Variants in EPB41 observed in about 807,000 individuals in gnomAD.
EPB41 encodes erythrocyte membrane protein band 4.1, also known as protein 4.1.
EPB41 carries 65 observed loss-of-function variants against 108.0 expected under a neutral mutation model. That is an observed-to-expected ratio of 0.60 (90% CI 0.49 to 0.74). EPB41 has a LOEUF of 0.74. EPB41 is among the 30% of genes least tolerant of loss of function. The pLI is 0.00. For synonymous variants in EPB41, 336 were observed against 358.9 expected (o/e 0.94, Z 0.72); for missense variants, 875 against 1,037.0 (o/e 0.84, Z 2.15).
intron 1 of EPB41, among the ~76,000 whole-genome samples, chr1:28,942,740 G>GTGA (rs1362505407): frequency 1.3e-5 from 2 of 152,166 alleles, no homozygotes; most frequent in African/African-American, 2.4e-5. Context: ...AGATTGTGTG[G>GTGA]TGGTGGTGGC....
intron 1 of EPB41, among the ~76,000 whole-genome samples, chr1:28,976,646 G>C (rs751261660): frequency 6.6e-6 from 1 of 151,978 alleles, no homozygotes; most frequent in Non-Finnish European, 1.5e-5. Flanking sequence ...AAGCCACCGT[G>C]CCTGGCCATG....
chr1:29,041,851 A>G (rs1449719044), intron 11 of EPB41, among the ~76,000 whole-genome samples: 1 of 152,204 alleles, frequency 6.6e-6, no homozygotes, highest in Non-Finnish European at 1.5e-5. Context: ...TATCATTTGT[A>G]AAATGGAGAT....
chr1:29,110,204 G>A (rs1476298234), intron 18 of EPB41, among the ~76,000 whole-genome samples: 1 of 151,988 alleles, frequency 6.6e-6, no homozygotes, highest in African/African-American at 2.4e-5. Context: ...AATGTGCTGG[G>A]CATAATGGCG....
chr1:28,915,731 CTTTT>C (rs11321625), intron 1 of EPB41, among the ~76,000 whole-genome samples: 2 of 56,070 alleles, frequency 3.6e-5, no homozygotes, highest in African/African-American at 7.8e-5. Flanking sequence ...TTTTCAGATG[CTTTT>C]TTTTTTTTTT....
intron 12 of EPB41, chr1:29,054,026 ACATT>A (rs1644950501): frequency 6.6e-6 from 1 of 152,274 alleles, no homozygotes. Flanking sequence ...GGATGTATGC[ACATT>A]TCCAAAGAAC....
At chr1:29,103,586 G>T (rs967156525) in intron 17 of EPB41, among the ~76,000 whole-genome samples, 7 of 152,166 alleles carry the variant, frequency 4.6e-5, no homozygotes, top group African/African-American at 1.7e-4. Context: ...ATATTGCGTT[G>T]TTAAACATTT....
chr1:29,073,527 AAAGT>A (rs1253948796), intron 16 of EPB41, among the ~76,000 whole-genome samples: 2 of 152,214 alleles, frequency 1.3e-5, no homozygotes, highest in African/African-American at 4.8e-5. Flanking sequence ...TTTTATTTTG[AAAGT>A]AAGTCGTTAA....
At chr1:28,964,296 T>G (rs2095304374) in intron 1 of EPB41, among the ~76,000 whole-genome samples, 1 of 152,114 alleles carries the variant, frequency 6.6e-6, no homozygotes, top group South Asian at 2.1e-4. Flanking sequence ...ATACAAAAAT[T>G]AGCTGGATGT....
At position 29,075,592 on chromosome 1, in the gene EPB41, G is replaced by T. The variant is rs1260769771; in HGVS notation, c.2184+10434G>T. Among the ~76,000 whole-genome samples, 8 of 152,288 alleles carry T rather than the reference G, an allele frequency of 5.3e-5. No homozygotes were observed. In the East Asian group the frequency reaches 1.5e-3, roughly 29 times the overall value. On this transcript the variant is annotated intron_variant, in intron 16 of 20. Coordinates refer to ENST00000343067, the MANE Select transcript of EPB41 (RefSeq NM_001376013.1). Reference sequence around the variant, plus strand: ...TTGAAAGATTGAAAGGTAGGGGAAGGCATAGAGTCTCAACTATCTTTTCTT... The same window carrying T: ...TTGAAAGATTGAAAGGTAGGGGAAGTCATAGAGTCTCAACTATCTTTTCTT...
intron 1 of EPB41, among the ~76,000 whole-genome samples, chr1:28,907,842 T>A (rs2091954012): frequency 1.9e-5 from 1 of 53,680 alleles, no homozygotes; most frequent in South Asian, 8.8e-4. Flanking sequence ...AAATTTTAAT[T>A]TTTTTTTTGT....
intron 1 of EPB41, among the ~76,000 whole-genome samples, chr1:28,980,904 C>T (rs372918397): frequency 3.3e-5 from 5 of 150,284 alleles, no homozygotes; most frequent in East Asian, 2.0e-4. Context: ...TCCCGAGTAG[C>T]GGGGATTACA....
chr1:29,058,868 C>T lies in EPB41; in HGVS notation c.1944+16C>T. On this transcript the variant is annotated intron_variant, in intron 14 of 20. Transcript: ENST00000343067. ...AATGAGGAAGGTTAGCCATTTTTCACTTTCACAAAACTACATTGCCATTTC... is the reference window on the plus strand; with the variant it reads ...AATGAGGAAGGTTAGCCATTTTTCATTTTCACAAAACTACATTGCCATTTC... 1 of 1,549,246 alleles carries T rather than the reference C, an allele frequency of 6.5e-7. No individual in the cohort carries two copies. Among genetic ancestry groups the T allele is most frequent in the Non-Finnish European group, 8.7e-7 (1 of 1,144,982 alleles).
intron 15 of EPB41, among the ~76,000 whole-genome samples, chr1:29,061,644 A>G (rs1433072841): frequency 1.4e-5 from 2 of 138,980 alleles, no homozygotes; most frequent in African/African-American, 2.7e-5. Context: ...CAGTGGCTCA[A>G]TCACTGCTTA....
chr1:29,051,222 C>A (rs1644463402), intron 11 of EPB41, among the ~76,000 whole-genome samples: 1 of 149,790 alleles, frequency 6.7e-6, no homozygotes. Context: ...CCTCAGCCTC[C>A]CGAGTAGCTA....
chr1:29,033,044 TA>T (rs753259554), intron 8 of EPB41, 48 bp from the exon 9 acceptor site: 60 of 1,563,134 alleles, frequency 3.8e-5, no homozygotes, highest in Non-Finnish European at 4.7e-5. Flanking sequence ...GTCAACAGTG[TA>T]TTGAGTACTT....
At chr1:29,032,109 A>AG (rs1026881496) in intron 8 of EPB41, among the ~76,000 whole-genome samples, 5 of 151,716 alleles carry the variant, frequency 3.3e-5, no homozygotes, top group African/African-American at 9.7e-5. Flanking sequence ...AAAAAAAAAA[A>AG]AAAAAAGAAA....
intron 16 of EPB41, among the ~76,000 whole-genome samples, chr1:29,084,822 C>T (rs1481858560): frequency 1.3e-5 from 2 of 152,178 alleles, no homozygotes; most frequent in East Asian, 3.9e-4. Context: ...TTTTAATTCT[C>T]CTGTCACAAT....
At position 29,039,488 on chromosome 1, in the gene EPB41, G is replaced by A. The variant is rs1640687086; in HGVS notation, c.1636+62G>A. 2.5e-6 allele frequency: 4 copies of A among 1,593,234 alleles called. No individual in the cohort carries two copies. In the Admixed American group the frequency reaches 5.0e-5, roughly 20 times the overall value. Reference sequence around the variant, plus strand: ...ATTCATTTGGAAAGATAAAGGAAGTGCAATTATCTATAAGAGAACCGAATT... The same window carrying A: ...ATTCATTTGGAAAGATAAAGGAAGTACAATTATCTATAAGAGAACCGAATT... On this transcript the variant is annotated intron_variant, in intron 11 of 20. Coordinates refer to ENST00000343067, the MANE Select transcript of EPB41 (RefSeq NM_001376013.1).
At chr1:29,000,562 A>T (rs1010902892) in intron 4 of EPB41, among the ~76,000 whole-genome samples, 8 of 152,218 alleles carry the variant, frequency 5.3e-5, no homozygotes, top group Non-Finnish European at 8.8e-5. Context: ...GTATTTTTGG[A>T]AAAGAAAAAT....
Sources: gnomAD v4.1 joint callset for allele counts (sites outside exome capture counted in the v4.1 genomes callset) on GRCh38, gnomAD v4.1.1 for gene constraint, MANE v1.5 for transcripts, NCBI Gene and HGNC (gene_info 2026-07-23, HGNC 2026-07-21) for gene names.